ZSWIM5: variants seen among roughly 807,000 people sequenced by gnomAD.
ZSWIM5 encodes zinc finger SWIM-type containing 5.
ZSWIM5 carries 55 observed loss-of-function variants against 119.6 expected under a neutral mutation model. The ratio of observed to expected loss-of-function variants is 0.46; its 90% CI spans 0.37 to 0.58. The LOEUF is 0.58. ZSWIM5 is among the 20% of genes least tolerant of loss of function. The pLI is 0.00. For synonymous variants in ZSWIM5, 537 were observed against 606.9 expected, an observed-to-expected ratio of 0.88 and a Z score of 1.69; for missense variants, 1,193 against 1,512.8, an observed-to-expected ratio of 0.79 and a Z score of 3.51.
At chr1:45,056,764 G>A (rs1247073865) in intron 4 of ZSWIM5, among the ~76,000 whole-genome samples, 1 of 152,184 alleles carries the variant, frequency 6.6e-6, no homozygotes. Context: ...AACACGTAAG[G>A]GTTGGCCTTT....
chr1:45,068,137 C>T (rs1264655202), intron 2 of ZSWIM5, among the ~76,000 whole-genome samples: 2 of 101,572 alleles, frequency 2.0e-5, no homozygotes, highest in African/African-American at 3.9e-5. Flanking sequence ...GAGTCTTACT[C>T]TATTGCCCAG....
chr1:45,018,656 T>C lies in ZSWIM5; in HGVS notation c.3356A>G (p.Tyr1119Cys). 5 of 1,614,230 alleles carry C rather than the reference T, an allele frequency of 3.1e-6. No homozygotes were observed. The highest frequency in any genetic ancestry group is 4.2e-6 in the Non-Finnish European group (5 of 1,180,032). Residue 1119 changes from tyrosine to cysteine, a missense_variant, in exon 14 of 14, where the codon TAT becomes TGT. Tyr to Cys is a radical substitution (Grantham distance 194). Around this residue, in one of 2 missense-constraint regions of ZSWIM5, gnomAD observed 961 missense variants for 1,290.0 expected, o/e 0.74. Coordinates refer to ENST00000359600, the MANE Select transcript of ZSWIM5 (RefSeq NM_020883.2). This position sits in a 1 kb window ranked among gnomAD's most constrained non-coding sequence, Gnocchi z 6.7. The stretch of plus-strand genomic sequence containing the variant: ...TAGGCGTGAGTGTGTAGTGTTGATA[T>C]AGGCATTGATGGTGGCATCCAGCAA... Reference protein sequence around the residue: ...RQLLDATINAYINTTHSRLTH... With the variant: ...RQLLDATINACINTTHSRLTH...
At chr1:45,062,055 A>T (rs1172349134) in intron 2 of ZSWIM5, among the ~76,000 whole-genome samples, 1 of 152,094 alleles carries the variant, frequency 6.6e-6, no homozygotes, top group East Asian at 1.9e-4. Context: ...GTGCCACTGC[A>T]CTCCCGCCTG....
chr1:45,163,708 T>G (rs902811039), intron 1 of ZSWIM5, among the ~76,000 whole-genome samples: 1 of 152,120 alleles, frequency 6.6e-6, no homozygotes, highest in African/African-American at 2.4e-5. Flanking sequence ...TTCAATCAAC[T>G]GGAAGAAACG....
At chr1:45,036,356 T>A in intron 8 of ZSWIM5, 57 bp from the exon 9 acceptor site, 2 of 92,212 alleles carry the variant, frequency 2.2e-5, no homozygotes, top group Non-Finnish European at 2.8e-5. Flanking sequence ...TCTTCTTTCT[T>A]TTTTTTTTTT....
At position 45,036,306 on chromosome 1, in the gene ZSWIM5, G is replaced by T. The variant is rs1644983682; in HGVS notation, c.1895-7C>A. 6.2e-7 allele frequency: 1 copy of T among 1,606,526 alleles called. No homozygotes were observed. Among genetic ancestry groups the T allele is most frequent in the Non-Finnish European group, 8.5e-7 (1 of 1,176,096 alleles). ...GGTCTGCTTTCATTCATATCTGAGG[G>T]CAACAGGGCACCAAATTCTTTAGGT... On this transcript the variant is annotated splice_polypyrimidine_tract_variant and splice_region_variant and intron_variant, in intron 8 of 13. Transcript: ENST00000359600.
intron 11 of ZSWIM5, among the ~76,000 whole-genome samples, chr1:45,025,824 A>ATTT (rs1197930077): frequency 6.6e-6 from 1 of 152,144 alleles, no homozygotes; most frequent in Non-Finnish European, 1.5e-5. Context: ...TTCACTTAAG[A>ATTT]ATTTTTGACC....
At chr1:45,175,446 T>C (rs561180332) in intron 1 of ZSWIM5, among the ~76,000 whole-genome samples, 2 of 152,022 alleles carry the variant, frequency 1.3e-5, no homozygotes, top group Non-Finnish European at 1.5e-5. Context: ...CAACTTACTC[T>C]TTCTAAAAAT....
chr1:45,139,381 T>C (rs1313451436), intron 1 of ZSWIM5, among the ~76,000 whole-genome samples: 1 of 149,894 alleles, frequency 6.7e-6, no homozygotes, highest in Non-Finnish European at 1.5e-5. Flanking sequence ...TTTTTCTCTC[T>C]CTCTCTCCTC....
At chr1:45,084,036 A>C (rs943966867) in intron 2 of ZSWIM5, among the ~76,000 whole-genome samples, 27 of 152,242 alleles carry the variant, frequency 1.8e-4, no homozygotes, top group Non-Finnish European at 1.5e-5. Flanking sequence ...CAGCCTCCCG[A>C]GTAGTAGGGA....
chr1:45,109,530 G>A (rs1479528072), intron 1 of ZSWIM5, among the ~76,000 whole-genome samples: 1 of 152,100 alleles, frequency 6.6e-6, no homozygotes, highest in East Asian at 1.9e-4. Flanking sequence ...CAGATCACGA[G>A]GTCAGGAGTT....
intron 11 of ZSWIM5, among the ~76,000 whole-genome samples, chr1:45,031,273 T>C (rs1644951440): frequency 6.7e-6 from 1 of 148,918 alleles, no homozygotes; most frequent in Non-Finnish European, 1.5e-5. Context: ...ACCTCCTGTG[T>C]TCAGATGATT....
At chr1:45,105,982 C>T (rs984857142) in intron 1 of ZSWIM5, among the ~76,000 whole-genome samples, 9 of 142,920 alleles carry the variant, frequency 6.3e-5, no homozygotes, top group South Asian at 4.5e-4. Flanking sequence ...CCGGTTGCCC[C>T]GAATGGGAAG....
At chr1:45,077,617 G>T (rs182387052) in intron 2 of ZSWIM5, among the ~76,000 whole-genome samples, 1 of 152,174 alleles carries the variant, frequency 6.6e-6, no homozygotes, top group Non-Finnish European at 1.5e-5. Flanking sequence ...CAGGAGACAG[G>T]GTTTTGAGAT....
rs547672330 is a variant in ZSWIM5 at position 45,174,461 on chromosome 1, G to A, written c.595+31295C>T. 3.3e-5 allele frequency among the ~76,000 whole-genome samples: 5 copies of A among 151,418 alleles called. No individual in the cohort carries two copies. The South Asian group carries it at 1.0e-3, about 32-fold the overall frequency. ...TTCAAGTTCATTATCAGCTCAGTGA[G>A]GTGGCTCACACCTGTAATCCCAGGA... On this transcript the variant is annotated intron_variant, in intron 1 of 13. Coordinates refer to ENST00000359600, the MANE Select transcript of ZSWIM5 (RefSeq NM_020883.2).
At chr1:45,141,045 T>A (rs1645723662) in intron 1 of ZSWIM5, among the ~76,000 whole-genome samples, 1 of 151,926 alleles carries the variant, frequency 6.6e-6, no homozygotes, top group Non-Finnish European at 1.5e-5. Flanking sequence ...TCAGAGAGAG[T>A]GTGAAAAATC....
At chr1:45,070,428 A>G in intron 2 of ZSWIM5, 4 of 1,361,318 alleles carry the variant, frequency 2.9e-6, no homozygotes, top group Non-Finnish European at 4.1e-6. Flanking sequence ...CAAAGTCTCC[A>G]TGTTGGTGGC....
In ZSWIM5 at chr1:45,196,034, G is replaced by GTTTTTTTTTTT. The variant is rs34236930; in HGVS notation, c.595+9711_595+9721dup. ...AGGTGAGCACCGTTACACCCAGCTA[G>GTTTTTTTTTTT]TTTTTTTTTTTTTTTTTTTTTTTTA... On this transcript the variant is annotated intron_variant, in intron 1 of 13. Coordinates refer to ENST00000359600, the MANE Select transcript of ZSWIM5 (RefSeq NM_020883.2). Among the ~76,000 whole-genome samples the GTTTTTTTTTTT allele has an allele frequency of 7.2e-3, 748 of 103,854 alleles. 14 individuals carry two copies. Among genetic ancestry groups the GTTTTTTTTTTT allele is most frequent in the Non-Finnish European group, 0.011 (552 of 50,898 alleles). The allele number at this position is 103,854 out of a possible 152,430, so 68.1% of individuals were successfully genotyped here.
chr1:45,081,897 T>TG (rs1372017108), intron 2 of ZSWIM5, among the ~76,000 whole-genome samples: 2 of 151,770 alleles, frequency 1.3e-5, no homozygotes, highest in Non-Finnish European at 2.9e-5. Context: ...GGGGGAAAGG[T>TG]GGGGAAAAGA....
Sources: allele counts gnomAD v4.1 joint callset (sites outside exome capture counted in the v4.1 genomes callset), GRCh38; gene constraint gnomAD v4.1.1; regional missense constraint gnomAD v4.1.1; non-coding constraint Gnocchi (gnomAD v3.1); transcripts MANE v1.5; gene names NCBI Gene and HGNC (gene_info 2026-07-23, HGNC 2026-07-21).